The following SPATA16 variants were observed in gnomAD, a reference collection of about 807,000 sequenced individuals.
SPATA16 encodes spermatogenesis associated 16, also known as spermatogenesis-associated protein 16.
Under a neutral mutation model 63.3 loss-of-function variants are expected in SPATA16, and 36 were observed. The observed-to-expected ratio is 0.57, with a 90% CI of 0.44 to 0.75. The LOEUF (loss-of-function observed/expected upper bound fraction) is 0.75. Among genes scored for constraint, SPATA16 ranks in the 30% least tolerant of loss-of-function variants. The pLI is 0.00. For synonymous variants in SPATA16, 203 were observed against 216.7 expected (o/e 0.94, Z 0.56); for missense variants, 646 against 679.3 (o/e 0.95, Z 0.54).
At chr3:172,985,632 C>T (rs1196350939) in intron 4 of SPATA16, among the ~76,000 whole-genome samples, 1 of 152,136 alleles carries the variant, frequency 6.6e-6, no homozygotes, top group African/African-American at 2.4e-5. Flanking sequence ...TACTTTTTTA[C>T]TGTAATGGAA....
chr3:172,894,718 G>A (rs577234450), intron 10 of SPATA16, among the ~76,000 whole-genome samples: 1 of 152,132 alleles, frequency 6.6e-6, no homozygotes, highest in African/African-American at 2.4e-5. Context: ...TTTGGGAGGC[G>A]ATTAGGTCAC....
At chr3:172,930,819 T>C (rs1732855044) in intron 6 of SPATA16, among the ~76,000 whole-genome samples, 1 of 151,924 alleles carries the variant, frequency 6.6e-6, no homozygotes. Context: ...CCCAAAGTGG[T>C]GAGATTACAG....
intron 2 of SPATA16, among the ~76,000 whole-genome samples, chr3:173,078,773 C>T (rs1462705970): frequency 6.6e-6 from 1 of 152,156 alleles, no homozygotes; most frequent in African/African-American, 2.4e-5. Flanking sequence ...GTATTGCAGA[C>T]CTTCCATCAG....
chr3:172,925,559 C>T, intron 6 of SPATA16, 67 bp from the exon 7 acceptor site: 1 of 1,601,434 alleles, frequency 6.2e-7, no homozygotes, highest in Non-Finnish European at 8.5e-7. Context: ...GGTTTTCCCC[C>T]CCAGATTTCA....
intron 6 of SPATA16, among the ~76,000 whole-genome samples, chr3:172,936,174 T>C (rs1313626770): frequency 6.6e-6 from 1 of 152,218 alleles, no homozygotes; most frequent in Non-Finnish European, 1.5e-5. Flanking sequence ...TTTGTTCTAA[T>C]GAGGCAACAT....
chr3:173,114,558 A>T (rs1431336727), intron 2 of SPATA16, among the ~76,000 whole-genome samples: 1 of 152,172 alleles, frequency 6.6e-6, no homozygotes, highest in Non-Finnish European at 1.5e-5. Flanking sequence ...TGGCACCCTG[A>T]CCATCATACC....
At chr3:173,052,459 G>A (rs985229820) in intron 2 of SPATA16, among the ~76,000 whole-genome samples, 6 of 152,118 alleles carry the variant, frequency 3.9e-5, no homozygotes, top group Non-Finnish European at 8.8e-5. Context: ...TTTACCAATC[G>A]AGTGTTGTAA....
chr3:172,935,665 A>G (rs1399035185), intron 6 of SPATA16, among the ~76,000 whole-genome samples: 2 of 152,226 alleles, frequency 1.3e-5, no homozygotes, highest in Non-Finnish European at 2.9e-5. Flanking sequence ...AGCATGGTAC[A>G]TTATTAAATT....
At chr3:172,949,082 G>T (rs968385755) in intron 6 of SPATA16, among the ~76,000 whole-genome samples, 2 of 152,034 alleles carry the variant, frequency 1.3e-5, no homozygotes, top group East Asian at 1.9e-4. Flanking sequence ...ATTAATAAAG[G>T]GCCAGTAAAG....
intron 2 of SPATA16, among the ~76,000 whole-genome samples, chr3:173,067,021 T>C (rs927527434): frequency 2.2e-5 from 2 of 91,246 alleles, no homozygotes; most frequent in Non-Finnish European, 4.0e-5. Context: ...ATTGACAAAC[T>C]GATAAATGCA....
chr3:173,022,744 G>GAAA (rs34736596), intron 3 of SPATA16, among the ~76,000 whole-genome samples: 1 of 140,734 alleles, frequency 7.1e-6, no homozygotes, highest in Admixed American at 7.2e-5. Flanking sequence ...CAGTTACAGT[G>GAAA]AAAAAAAAAA....
intron 3 of SPATA16, among the ~76,000 whole-genome samples, chr3:173,027,841 G>T (rs980193286): frequency 6.6e-6 from 1 of 151,846 alleles, no homozygotes; most frequent in South Asian, 2.1e-4. Context: ...CATATGTTTT[G>T]CTTCTACTTC....
At chr3:173,028,821 A>C (rs1257860377) in intron 3 of SPATA16, among the ~76,000 whole-genome samples, 1 of 152,028 alleles carries the variant, frequency 6.6e-6, no homozygotes, top group African/African-American at 2.4e-5. Context: ...CCTTGAATTC[A>C]TCTATAGTTC....
chr3:173,000,600 T>C (rs1429330963), intron 4 of SPATA16, among the ~76,000 whole-genome samples: 1 of 152,186 alleles, frequency 6.6e-6, no homozygotes, highest in Non-Finnish European at 1.5e-5. Flanking sequence ...AAGGAAATTC[T>C]CAGTTACTTC....
At chr3:173,090,828 T>C in intron 2 of SPATA16, among the ~76,000 whole-genome samples, 1 of 152,206 alleles carries the variant, frequency 6.6e-6, no homozygotes, top group East Asian at 1.9e-4. Flanking sequence ...GGTGCTTTAC[T>C]TCAGTTTTTC....
intron 6 of SPATA16, among the ~76,000 whole-genome samples, chr3:172,934,505 A>T (rs1732937745): frequency 6.6e-6 from 1 of 152,160 alleles, no homozygotes; most frequent in South Asian, 2.1e-4. Context: ...GTTCTTAATT[A>T]AAAAACTTCT....
chr3:172,999,249 T>C (rs1292728604), intron 4 of SPATA16, among the ~76,000 whole-genome samples: 2 of 152,240 alleles, frequency 1.3e-5, no homozygotes, highest in Admixed American at 6.5e-5. Flanking sequence ...AGATTGTCTA[T>C]TTCTTCTTGT....
At chr3:173,065,024 C>T in intron 2 of SPATA16, among the ~76,000 whole-genome samples, 1 of 152,138 alleles carries the variant, frequency 6.6e-6, no homozygotes, top group East Asian at 1.9e-4. Flanking sequence ...CTTCTAGTAC[C>T]ACAAGTTCTT....
chr3:172,985,304 T>C (rs1417751389), intron 4 of SPATA16, among the ~76,000 whole-genome samples: 1 of 152,210 alleles, frequency 6.6e-6, no homozygotes, highest in African/African-American at 2.4e-5. Context: ...ATAGAACTCA[T>C]TTCAGATATT....
Sources: gnomAD v4.1 joint callset for allele counts (sites outside exome capture counted in the v4.1 genomes callset) on GRCh38, gnomAD v4.1.1 for gene constraint, MANE v1.5 for transcripts, NCBI Gene and HGNC (gene_info 2026-07-23, HGNC 2026-07-21) for gene names.